Variants in PNPLA5 observed in about 807,000 individuals in gnomAD.
PNPLA5 encodes the protein patatin like domain 5, triacylglycerol lipase.
PNPLA5 carries 44 observed loss-of-function variants against 49.1 expected under a neutral mutation model. The ratio of observed to expected loss-of-function variants is 0.90; its 90% CI spans 0.70 to 1.15. PNPLA5 has a LOEUF of 1.15. Ranked by LOEUF, PNPLA5 falls within the 50% of genes most tolerant of loss-of-function variation. PNPLA5 has a pLI of 0.00. For missense variants in PNPLA5, 603 were observed against 564.0 expected (o/e 1.07, Z -0.70); for synonymous variants, 243 against 244.4 (o/e 0.99, Z 0.06).
At chr22:43,890,367 G>T (rs2049710183) in intron 2 of PNPLA5, among the ~76,000 whole-genome samples, 3 of 152,200 alleles carry the variant, frequency 2.0e-5, no homozygotes, top group Non-Finnish European at 4.4e-5. Flanking sequence ...TGCAAGCTCT[G>T]GGTTGGTGGT....
At position 43,891,935 on chromosome 22, in the gene PNPLA5, G is replaced by T; in HGVS notation, c.-55C>A. The T allele has an allele frequency of 6.9e-7, 1 of 1,458,662 alleles. No individual in the cohort carries two copies. The highest frequency in any genetic ancestry group is 1.3e-5 in the South Asian group (1 of 75,490). 90.4% of individuals were successfully genotyped at this position (1,458,662 alleles called of 1,614,324 possible). Reference sequence around the variant, plus strand: ...CGAGGAAGGGTCACTCCGTGACCCGGGATAGGGCCGGGATGCAGCCTTGGA... The same window carrying T: ...CGAGGAAGGGTCACTCCGTGACCCGTGATAGGGCCGGGATGCAGCCTTGGA... On this transcript the variant is annotated 5_prime_UTR_variant, in exon 1 of 9. Coordinates refer to ENST00000216177, the MANE Select transcript of PNPLA5 (RefSeq NM_138814.4).
chr22:43,890,171 G>T, intron 2 of PNPLA5: 1 of 670,182 alleles, frequency 1.5e-6, no homozygotes, highest in Non-Finnish European at 1.8e-6. Context: ...TGTAGCAGTT[G>T]GGATGGGGCC....
chr22:43,887,703 C>T (rs533821102), intron 4 of PNPLA5, 52 bp from the exon 5 acceptor site: 53 of 1,565,444 alleles, frequency 3.4e-5, no homozygotes, highest in Middle Eastern at 1.7e-4. Context: ...ACCTACCCCT[C>T]GAGTGGATGT....
intron 3 of PNPLA5, 95 bp from the exon 4 acceptor site, chr22:43,889,633 C>T (rs986858643): frequency 2.0e-6 from 3 of 1,532,938 alleles, no homozygotes; most frequent in Non-Finnish European, 2.6e-6. Flanking sequence ...CCCTGAGTCA[C>T]CAGGGCCACT....
rs1358222558 is a variant in PNPLA5 at position 43,889,456 on chromosome 22, G to A, written c.575C>T (p.Thr192Ile). Reference protein sequence around the residue: ...STITVSPFHGTVDICPQSTSP... With the variant: ...STITVSPFHGIVDICPQSTSP... ...GGTGCTCTGGGGGCAGATGTCCACT[G>A]TCCCATGGAAGGGCGACACCGTGAT... Residue 192 changes from threonine to isoleucine, a missense_variant, in exon 4 of 9, where the codon ACA (threonine) becomes ATA (isoleucine). Coordinates refer to ENST00000216177, the MANE Select transcript of PNPLA5 (RefSeq NM_138814.4). 6.2e-7 allele frequency: 1 copy of A among 1,613,996 alleles called. No individual in the cohort carries two copies. Among genetic ancestry groups the A allele is most frequent in the Non-Finnish European group, 8.5e-7 (1 of 1,179,996 alleles).
chr22:43,890,173 G>T (rs1603413017), intron 2 of PNPLA5: 1 of 655,894 alleles, frequency 1.5e-6, no homozygotes, highest in Non-Finnish European at 1.9e-6. Flanking sequence ...TAGCAGTTGG[G>T]ATGGGGCCTG....
intron 3 of PNPLA5, 123 bp downstream of exon 3, chr22:43,889,676 A>T (rs2049702507): frequency 2.6e-6 from 4 of 1,512,454 alleles, no homozygotes; most frequent in Non-Finnish European, 3.5e-6. Context: ...CCCCAGGAGC[A>T]GGGGGAGGGC....
chr22:43,891,582 G>T, intron 1 of PNPLA5, 106 bp downstream of exon 1: 1 of 1,375,356 alleles, frequency 7.3e-7, no homozygotes, highest in Non-Finnish European at 9.6e-7. Flanking sequence ...GGCTGTGCCG[G>T]GGGTAGAGGG....
At position 43,891,944 on chromosome 22, in the gene PNPLA5, C is replaced by T. The variant is rs2049731032; in HGVS notation, c.-64G>A. 1 of 1,444,690 alleles carries T rather than the reference C, an allele frequency of 6.9e-7. No individual in the cohort carries two copies. Among genetic ancestry groups the T allele is most frequent in the Non-Finnish European group, 9.2e-7 (1 of 1,090,206 alleles). The allele number at this position is 1,444,690 out of a possible 1,614,324, so 89.5% of individuals were successfully genotyped here. ...GTCACTCCGTGACCCGGGATAGGGC[C>T]GGGATGCAGCCTTGGACGGGGCTGG... On this transcript the variant is annotated 5_prime_UTR_variant, in exon 1 of 9. Coordinates refer to ENST00000216177, the MANE Select transcript of PNPLA5 (RefSeq NM_138814.4).
chr22:43,884,719 C>G (rs1375349333), intron 6 of PNPLA5, among the ~76,000 whole-genome samples: 1 of 111,904 alleles, frequency 8.9e-6, no homozygotes, highest in Non-Finnish European at 2.0e-5. Flanking sequence ...ATGCTCTCAC[C>G]ACACTCTCTC....
chr22:43,891,164 G>T lies in PNPLA5; in HGVS notation c.324C>A (p.Ala108=). ...QQLQDALPPD[A]HVLASQRLGI... The stretch of plus-strand genomic sequence containing the variant: ...CCAGCCGCTGGGAGGCCAGGACGTG[G>T]GCGTCGGGGGGCAGAGCATCCTGCA... The change falls in exon 2 of 9, where the codon GCC becomes GCA. Residue 108 remains alanine, a synonymous_variant. Coordinates refer to ENST00000216177, the MANE Select transcript of PNPLA5 (RefSeq NM_138814.4). 1 of 1,599,790 alleles carries T rather than the reference G, an allele frequency of 6.3e-7. No individual in the cohort carries two copies.
At chr22:43,884,103 C>T (rs2049637242) in intron 7 of PNPLA5, 110 bp downstream of exon 7, 1 of 919,818 alleles carries the variant, frequency 1.1e-6, no homozygotes, top group Non-Finnish European at 1.6e-6. Flanking sequence ...GCCGGGCTCC[C>T]CCCACCCCGC....
chr22:43,885,234 GT>G (rs1415077950), intron 6 of PNPLA5, among the ~76,000 whole-genome samples: 3 of 152,220 alleles, frequency 2.0e-5, no homozygotes, highest in Admixed American at 1.3e-4. Context: ...GACCTCAGGG[GT>G]TCCGCACAGG....
chr22:43,891,828 C>G lies in PNPLA5; in HGVS notation c.53G>C (p.Gly18Ala). The G allele has an allele frequency of 6.6e-7, 1 of 1,519,884 alleles. No homozygotes were observed. 94.1% of individuals were successfully genotyped at this position (1,519,884 alleles called of 1,614,324 possible). ...GCCCACGTGGTGGGCGCCCAGGTAGCCGGCGCCGGAGAAGGACAGGTTCCA... is the reference window on the plus strand; with the variant it reads ...GCCCACGTGGTGGGCGCCCAGGTAGGCGGCGCCGGAGAAGGACAGGTTCCA... ...GRWNLSFSGA[G>A]YLGAHHVGAT... The change falls in exon 1 of 9, where the codon GGC (glycine) becomes GCC (alanine). Residue 18 changes from glycine (G) to alanine (A), a missense_variant. Gly to Ala is a moderately conservative substitution (Grantham distance 60, BLOSUM62 0). Transcript: ENST00000216177.
chr22:43,887,775 G>A, intron 4 of PNPLA5, 124 bp from the exon 5 acceptor site: 12 of 1,519,792 alleles, frequency 7.9e-6, no homozygotes, highest in Non-Finnish European at 1.1e-5. Context: ...CTCCCCAAGT[G>A]ACCATTCAAC....
At chr22:43,885,595 T>C (rs928136243) in intron 6 of PNPLA5, among the ~76,000 whole-genome samples, 1 of 152,174 alleles carries the variant, frequency 6.6e-6, no homozygotes, top group Non-Finnish European at 1.5e-5. Flanking sequence ...CTCTTCTGCC[T>C]CTTGGCCTGG....
chr22:43,881,730 A>G, intron 7 of PNPLA5, 56 bp from the exon 8 acceptor site: 1 of 1,586,028 alleles, frequency 6.3e-7, no homozygotes, highest in South Asian at 1.2e-5. Flanking sequence ...TGGCCCCACC[A>G]AGCCCACCCT....
intron 6 of PNPLA5, 61 bp downstream of exon 6, chr22:43,886,242 T>C (rs905152476): frequency 1.3e-6 from 2 of 1,529,476 alleles, no homozygotes; most frequent in Non-Finnish European, 1.8e-6. Flanking sequence ...GCAGGGTCCC[T>C]GAGCCCGGGC....
intron 4 of PNPLA5, among the ~76,000 whole-genome samples, chr22:43,889,081 G>T (rs904175703): frequency 1.9e-4 from 29 of 152,364 alleles, no homozygotes; most frequent in Non-Finnish European, 2.2e-4. Context: ...GCTAAGCAGA[G>T]TTGGCGTGAG....
Sources: gnomAD v4.1 joint callset for allele counts (sites outside exome capture counted in the v4.1 genomes callset) on GRCh38, gnomAD v4.1.1 for gene constraint, MANE v1.5 for transcripts, NCBI Gene and HGNC (gene_info 2026-07-23, HGNC 2026-07-21) for gene names.